The following MOBP variants were observed in gnomAD, a reference collection of about 807,000 sequenced individuals.
The protein encoded by MOBP is myelin-associated oligodendrocyte basic protein.
A neutral mutation model predicts 15.0 loss-of-function variants in MOBP; 5 were observed. The observed-to-expected ratio is 0.33, with a 90% confidence interval of 0.17 to 0.70. The LOEUF is 0.70. Ranked by LOEUF, MOBP falls within the 30% of genes least tolerant of loss-of-function variation. MOBP has a pLI of 0.67. For missense variants in MOBP, 188 were observed against 257.8 expected (o/e 0.73, Z 1.85); for synonymous variants, 88 against 99.0 (o/e 0.89, Z 0.66).
intron 2 of MOBP, among the ~76,000 whole-genome samples, chr3:39,501,530 G>A (rs1708073): frequency 0.27 from 41,616 of 152,012 alleles, 6,784 homozygotes; most frequent in African/African-American, 0.46. Context: ...TGAACCTCCT[G>A]TACACACAGC....
chr3:39,516,998 G>T (rs987607107), downstream of MOBP, among the ~76,000 whole-genome samples: 1 of 152,140 alleles, frequency 6.6e-6, no homozygotes, highest in African/African-American at 2.4e-5. Context: ...CCCTGGGAGG[G>T]CTTCCTGCCT....
intron 1 of MOBP, among the ~76,000 whole-genome samples, chr3:39,479,657 T>A (rs1559415932): frequency 6.6e-6 from 1 of 152,144 alleles, no homozygotes; most frequent in Non-Finnish European, 1.5e-5. Context: ...TATTTGATTG[T>A]GAAGATTTAT....
intron 2 of MOBP, among the ~76,000 whole-genome samples, chr3:39,495,482 A>G (rs796399645): frequency 2.4e-4 from 37 of 152,084 alleles, no homozygotes; most frequent in African/African-American, 8.7e-4. Context: ...AAGAAAATGG[A>G]AGAAAAGAAA....
downstream of MOBP, among the ~76,000 whole-genome samples, chr3:39,520,376 A>G (rs557198840): frequency 6.6e-6 from 1 of 152,320 alleles, no homozygotes; most frequent in Admixed American, 6.5e-5. Context: ...TTAAGTCTTC[A>G]AAAGTCCTCA....
At chr3:39,517,159 C>T (rs187668351), downstream of MOBP, among the ~76,000 whole-genome samples, 37 of 152,296 alleles carry the variant, frequency 2.4e-4, 1 homozygote, top group Admixed American at 2.4e-3. Context: ...AGAGAATTTG[C>T]ATACTCACTC....
downstream of MOBP, among the ~76,000 whole-genome samples, chr3:39,519,777 C>T (rs901142930): frequency 1.3e-5 from 2 of 152,076 alleles, no homozygotes; most frequent in African/African-American, 4.8e-5. Context: ...TTGCTCACTG[C>T]CTCAGTAGGT....
intron 2 of MOBP, among the ~76,000 whole-genome samples, chr3:39,482,624 C>T (rs888283701): frequency 2.0e-5 from 3 of 146,638 alleles, no homozygotes; most frequent in Non-Finnish European, 4.5e-5. Flanking sequence ...TGCACTCCAG[C>T]CTGGGCAACA....
Position 39,502,497 on chromosome 3 carries a change from C to G in MOBP, c.207-38C>G. ...GCGTCGCTTAAGCAGCAGAGGAGAGCCCTGGCTCCCGCCTCCAGCTTCTTT... is the reference window on the plus strand; with the variant it reads ...GCGTCGCTTAAGCAGCAGAGGAGAGGCCTGGCTCCCGCCTCCAGCTTCTTT... On this transcript the variant is annotated intron_variant, in intron 3 of 3. Coordinates refer to ENST00000684792, the MANE Select transcript of MOBP (RefSeq NM_001393704.1). The surrounding 1 kb of genome is among the most constrained non-coding windows in gnomAD (Gnocchi z 6.3). 1 of 1,551,028 alleles carries G rather than the reference C, an allele frequency of 6.4e-7. No homozygotes were observed. The highest frequency in any genetic ancestry group is 2.4e-5 in the East Asian group (1 of 41,916).
chr3:39,476,636 C>A (rs998038600), intron 1 of MOBP, among the ~76,000 whole-genome samples: 92 of 152,154 alleles, frequency 6.0e-4, no homozygotes, highest in Non-Finnish European at 2.8e-4. Flanking sequence ...TTTCTTCCCC[C>A]CTTCCCTTCA....
At chr3:39,519,672 A>C (rs1325468181), downstream of MOBP, among the ~76,000 whole-genome samples, 2 of 152,138 alleles carry the variant, frequency 1.3e-5, no homozygotes, top group Non-Finnish European at 2.9e-5. Flanking sequence ...TCAAAGATCA[A>C]GTGCTTTCAG....
intron 1 of MOBP, among the ~76,000 whole-genome samples, chr3:39,471,991 A>G (rs542822339): frequency 4.6e-5 from 7 of 152,338 alleles, no homozygotes; most frequent in South Asian, 2.1e-4. Context: ...TATAACTACT[A>G]TAGAGAACCT....
At chr3:39,522,626 G>A (rs1238444328) in intron 3 of MOBP, among the ~76,000 whole-genome samples, 1 of 152,148 alleles carries the variant, frequency 6.6e-6, no homozygotes, top group East Asian at 1.9e-4. Flanking sequence ...GCCTAGAAAT[G>A]TCCCATTTTT....
At chr3:39,485,385 C>A (rs1418643718) in intron 2 of MOBP, among the ~76,000 whole-genome samples, 1 of 152,174 alleles carries the variant, frequency 6.6e-6, no homozygotes, top group East Asian at 1.9e-4. Context: ...TCGTCAGCCG[C>A]TGGCCTGAGA....
downstream of MOBP, chr3:39,526,886 C>T (rs1358019338): frequency 6.7e-6 from 1 of 149,736 alleles, no homozygotes; most frequent in Non-Finnish European, 1.5e-5. Flanking sequence ...AAGCCATTCT[C>T]CTGCCTCAGC....
chr3:39,478,317 C>T (rs917727560), intron 1 of MOBP, among the ~76,000 whole-genome samples: 1 of 152,184 alleles, frequency 6.6e-6, no homozygotes, highest in Middle Eastern at 3.2e-3. Context: ...CTACAGTATT[C>T]AGTACAGTTA....
intron 2 of MOBP, among the ~76,000 whole-genome samples, chr3:39,496,497 C>T (rs2042885598): frequency 6.8e-6 from 1 of 147,852 alleles, no homozygotes; most frequent in Non-Finnish European, 1.5e-5. Context: ...CCACGCCTGG[C>T]TTCCTTTTCT....
chr3:39,507,743 G>A (rs796692781), downstream of MOBP, among the ~76,000 whole-genome samples: 1 of 152,290 alleles, frequency 6.6e-6, no homozygotes, highest in African/African-American at 2.4e-5. Flanking sequence ...GAAATTATCA[G>A]TGGAATCACA....
intron 4 of MOBP, among the ~76,000 whole-genome samples, chr3:39,512,593 C>T (rs571505719): frequency 3.9e-5 from 6 of 152,278 alleles, no homozygotes; most frequent in Non-Finnish European, 7.4e-5. Flanking sequence ...TTGCTAATAT[C>T]TGAGTATAAA....
intron 2 of MOBP, among the ~76,000 whole-genome samples, chr3:39,485,720 T>C (rs2042695705): frequency 6.6e-6 from 1 of 152,188 alleles, no homozygotes; most frequent in Non-Finnish European, 1.5e-5. Context: ...CAATGGTGGT[T>C]GAATGGACCC....
Sources: gnomAD v4.1 joint callset for allele counts (sites outside exome capture counted in the v4.1 genomes callset) on GRCh38, gnomAD v4.1.1 for gene constraint, Gnocchi (gnomAD v3.1) non-coding constraint, MANE v1.5 for transcripts, NCBI Gene and HGNC (gene_info 2026-07-23, HGNC 2026-07-21) for gene names.